SH3BGR: variants seen among roughly 807,000 people sequenced by gnomAD.
The protein encoded by SH3BGR is SH3 domain-binding glutamic acid-rich protein.
SH3BGR carries 29 observed loss-of-function variants against 24.5 expected under a neutral mutation model. That is an observed-to-expected ratio of 1.18 (90% confidence interval 0.88 to 1.61). The LOEUF (loss-of-function observed/expected upper bound fraction) is 1.61. Among genes scored for constraint, SH3BGR ranks in the 40% most tolerant of loss-of-function variants. SH3BGR has a pLI of 0.00. For synonymous variants in SH3BGR, 55 were observed against 65.7 expected (o/e 0.84, Z 0.79); for missense variants, 162 against 205.8 (o/e 0.79, Z 1.30).
intron 3 of SH3BGR, among the ~76,000 whole-genome samples, chr21:39,493,086 C>T (rs937525233): frequency 6.6e-6 from 1 of 152,138 alleles, no homozygotes; most frequent in African/African-American, 2.4e-5. Flanking sequence ...ACTATGCTGA[C>T]TGTTCCTTTT....
intron 4 of SH3BGR, among the ~76,000 whole-genome samples, chr21:39,501,028 G>A (rs1364703474): frequency 6.6e-6 from 1 of 152,198 alleles, no homozygotes; most frequent in Non-Finnish European, 1.5e-5. Flanking sequence ...AAGTTAGACG[G>A]TGTTTCATGG....
intron 4 of SH3BGR, 120 bp downstream of exon 4, chr21:39,500,035 T>G: frequency 1.4e-6 from 1 of 718,618 alleles, no homozygotes; most frequent in South Asian, 1.7e-5. Context: ...GAGCTGAGAG[T>G]TTAGCCAGGG....
intron 4 of SH3BGR, among the ~76,000 whole-genome samples, chr21:39,505,933 T>C (rs1441554743): frequency 6.6e-6 from 1 of 152,180 alleles, no homozygotes; most frequent in Non-Finnish European, 1.5e-5. Flanking sequence ...AATAATTGGA[T>C]TCAGAAGAAT....
intron 3 of SH3BGR, among the ~76,000 whole-genome samples, chr21:39,485,330 A>G (rs1001350078): frequency 6.6e-6 from 1 of 152,240 alleles, no homozygotes; most frequent in Non-Finnish European, 1.5e-5. Context: ...CAGATTCAAT[A>G]AGAATTTTTG....
At chr21:39,500,371 G>A (rs2078473701) in intron 4 of SH3BGR, among the ~76,000 whole-genome samples, 1 of 152,138 alleles carries the variant, frequency 6.6e-6, no homozygotes, top group Non-Finnish European at 1.5e-5. Flanking sequence ...CTTGGGGAGG[G>A]AAATTGACAC....
intron 3 of SH3BGR, among the ~76,000 whole-genome samples, chr21:39,481,454 G>A (rs953526454): frequency 6.6e-6 from 1 of 152,202 alleles, no homozygotes; most frequent in East Asian, 1.9e-4. Flanking sequence ...TAATGAGGCT[G>A]ACAAGTTCAA....
intron 6 of SH3BGR, among the ~76,000 whole-genome samples, chr21:39,513,738 G>A (rs2078737445): frequency 6.6e-6 from 1 of 152,012 alleles, no homozygotes; most frequent in African/African-American, 2.4e-5. Context: ...CTGAAGAATG[G>A]TAGAAAATGA....
At chr21:39,513,312 T>A (rs1045594961) in intron 6 of SH3BGR, among the ~76,000 whole-genome samples, 2 of 152,196 alleles carry the variant, frequency 1.3e-5, no homozygotes. Flanking sequence ...TAGAAGGGTT[T>A]ATTTGGAGAA....
intron 3 of SH3BGR, among the ~76,000 whole-genome samples, chr21:39,475,885 G>C (rs2078019728): frequency 6.6e-6 from 1 of 152,178 alleles, no homozygotes; most frequent in Non-Finnish European, 1.5e-5. Flanking sequence ...CTTCTAATCA[G>C]TGTGTGTAAA....
chr21:39,509,685 G>C (rs2078643406), intron 5 of SH3BGR, among the ~76,000 whole-genome samples: 2 of 151,848 alleles, frequency 1.3e-5, no homozygotes, highest in African/African-American at 2.4e-5. Flanking sequence ...ATGTTGGCCA[G>C]GCTGGTCTTG....
At chr21:39,462,322 T>C (rs1206907863) in intron 1 of SH3BGR, 53 bp from the exon 2 acceptor site, 3 of 1,399,166 alleles carry the variant, frequency 2.1e-6, no homozygotes, top group Non-Finnish European at 2.0e-6. Context: ...TTTTTGTAAA[T>C]GTAAGCAAAA....
At chr21:39,503,870 A>T (rs892225293) in intron 4 of SH3BGR, among the ~76,000 whole-genome samples, 7 of 152,146 alleles carry the variant, frequency 4.6e-5, no homozygotes, top group Non-Finnish European at 7.4e-5. Context: ...GCCTAGGAAG[A>T]TCTTACCTGT....
At chr21:39,505,510 C>T (rs540064017) in intron 4 of SH3BGR, among the ~76,000 whole-genome samples, 4 of 152,132 alleles carry the variant, frequency 2.6e-5, no homozygotes, top group African/African-American at 4.8e-5. Context: ...CACCTGTATT[C>T]CCAGCACTTC....
chr21:39,464,275 T>A (rs760059322), intron 2 of SH3BGR, among the ~76,000 whole-genome samples: 1 of 152,100 alleles, frequency 6.6e-6, no homozygotes, highest in Non-Finnish European at 1.5e-5. Context: ...CAGGCTGGAG[T>A]GCAGCAGTGC....
intron 2 of SH3BGR, among the ~76,000 whole-genome samples, chr21:39,472,843 A>T (rs1052852767): frequency 6.6e-6 from 1 of 152,088 alleles, no homozygotes; most frequent in Non-Finnish European, 1.5e-5. Context: ...GGCTTTATCT[A>T]CATCCCCCTT....
rs1173313635 is a variant in SH3BGR at position 39,511,088 on chromosome 21, A to G, written c.436-592A>G. Among the ~76,000 whole-genome samples, 1 of 120,024 alleles carries G rather than the reference A, an allele frequency of 8.3e-6. No homozygotes were observed. Among genetic ancestry groups the G allele is most frequent in the East Asian group, 3.5e-4 (1 of 2,848 alleles). The allele number at this position is 120,024 out of a possible 152,430, so 78.7% of individuals were successfully genotyped here. On this transcript the variant is annotated intron_variant, in intron 5 of 6. Transcript: ENST00000333634. The surrounding 1 kb of genome is among the most constrained non-coding windows in gnomAD (Gnocchi z 4.2). Reference sequence around the variant, plus strand: ...ATTCTAAATTGAGGACTCTGTGTTTAGAAGGATGATTTTTTTTATGTGTGT... The same window carrying G: ...ATTCTAAATTGAGGACTCTGTGTTTGGAAGGATGATTTTTTTTATGTGTGT...
At chr21:39,462,170 A>G (rs2077765945) in intron 1 of SH3BGR, among the ~76,000 whole-genome samples, 1 of 152,188 alleles carries the variant, frequency 6.6e-6, no homozygotes, top group African/African-American at 2.4e-5. Context: ...TAATTTAAGC[A>G]TTGATGATAC....
intron 3 of SH3BGR, among the ~76,000 whole-genome samples, chr21:39,498,280 G>C (rs1232610901): frequency 6.6e-6 from 1 of 152,182 alleles, no homozygotes; most frequent in Non-Finnish European, 1.5e-5. Context: ...GGTGGGATTG[G>C]AGGGTGTGTG....
chr21:39,511,913 GCTGT>G lies in SH3BGR; in HGVS notation c.*34+111_*34+114del. ...AGGAGAAAGGGAATTCCAATTCAGG[GCTGT>G]CTGTCTCCTTCCAAAGCCCTGGTCT... is the stretch of plus-strand genomic sequence containing the variant. On this transcript the variant is annotated intron_variant, in intron 6 of 6. Transcript: ENST00000333634. The surrounding 1 kb of genome is among the most constrained non-coding windows in gnomAD (Gnocchi z 4.2). The G allele has an allele frequency of 9.2e-7, 1 of 1,091,398 alleles. No individual in the cohort carries two copies. The highest frequency in any genetic ancestry group is 2.7e-5 in the East Asian group (1 of 36,606). The allele number at this position is 1,091,398 out of a possible 1,614,324, so 67.6% of individuals were successfully genotyped here. A position where few individuals can be genotyped will look rare whatever the true frequency, so the allele number is the denominator to read the frequency against.
Sources: gnomAD v4.1 joint callset for allele counts (sites outside exome capture counted in the v4.1 genomes callset) on GRCh38, gnomAD v4.1.1 for gene constraint, Gnocchi (gnomAD v3.1) non-coding constraint, MANE v1.5 for transcripts, NCBI Gene and HGNC (gene_info 2026-07-23, HGNC 2026-07-21) for gene names.